Variants in GOLGA4 observed in about 807,000 individuals in gnomAD.
GOLGA4 encodes the protein golgin subfamily A member 4.
GOLGA4 carries 169 observed loss-of-function variants against 265.9 expected under a neutral mutation model. That is an observed-to-expected ratio of 0.64 (90% confidence interval 0.56 to 0.72). GOLGA4 has a LOEUF of 0.72. Among genes scored for constraint, GOLGA4 ranks in the 30% least tolerant of loss-of-function variants. GOLGA4 has a pLI of 0.00. For missense variants in GOLGA4, 2,482 were observed against 2,483.4 expected (o/e 1.00, Z 0.01); for synonymous variants, 923 against 855.8 (o/e 1.08, Z -1.37).
intron 2 of GOLGA4, among the ~76,000 whole-genome samples, chr3:37,274,442 A>G (rs1360013704): frequency 6.6e-6 from 1 of 152,202 alleles, no homozygotes; most frequent in Non-Finnish European, 1.5e-5. Flanking sequence ...CTGTTATCCC[A>G]GCACTTTAGG....
chr3:37,253,007 G>T (rs1159885309), intron 2 of GOLGA4, among the ~76,000 whole-genome samples: 2 of 152,060 alleles, frequency 1.3e-5, no homozygotes, highest in African/African-American at 4.8e-5. Context: ...CCAGCGCTTT[G>T]GAAGGCCAAG....
chr3:37,324,276 C>T lies in GOLGA4; in HGVS notation c.2390C>T (p.Ser797Phe), dbSNP rs147542507. Residue 797 changes from serine (S) to phenylalanine (F), a missense_variant, in exon 14 of 24, where the codon TCT (serine) becomes TTT (phenylalanine). Physicochemically the swap from Ser to Phe is radical, Grantham distance 155. This residue lies in a region of GOLGA4 where 1,536 missense variants were observed against 1,483.7 expected (regional missense o/e 1.04). Coordinates refer to ENST00000361924, the MANE Select transcript of GOLGA4 (RefSeq NM_002078.5). The part of the protein sequence containing the change: ...KRSEGELQQA[S>F]AKLDVFQSYQ... ...TCTGAAGGGGAACTCCAGCAGGCAT[C>T]TGCTAAGCTGGACGTTTTTCAGTCT... is the stretch of plus-strand genomic sequence containing the variant. 1.2e-6 allele frequency: 2 copies of T among 1,614,010 alleles called. No homozygotes were observed. The highest frequency in any genetic ancestry group is 1.7e-6 in the Non-Finnish European group (2 of 1,179,966).
chr3:37,365,345 T>C (rs544236999), intron 23 of GOLGA4, among the ~76,000 whole-genome samples: 9 of 152,280 alleles, frequency 5.9e-5, no homozygotes, highest in African/African-American at 1.9e-4. Flanking sequence ...CTCGGCTTAC[T>C]GCAACCTCCG....
rs58292342 is a variant in GOLGA4 at position 37,310,879 on chromosome 3, T to C, written c.1235-4541T>C. 7.1e-3 allele frequency among the ~76,000 whole-genome samples: 1,081 copies of C among 152,278 alleles called. 15 individuals are homozygous for C. The highest frequency in any genetic ancestry group is 0.024 in the African/African-American group (1,014 of 41,554). ...TGACTGTGGTTTTCCCATGCACTCT[T>C]GCATGTTGGCAGAAGACTTGTCAGC... On this transcript the variant is annotated intron_variant, in intron 10 of 23. Coordinates refer to ENST00000361924, the MANE Select transcript of GOLGA4 (RefSeq NM_002078.5).
rs373472108 is a variant in GOLGA4, at chr3:37,319,306, G to A, written c.1545+112G>A. The A allele has an allele frequency of 6.4e-5, 51 of 800,834 alleles. 1 individual carries two copies. Among genetic ancestry groups the A allele is most frequent in the Non-Finnish European group, 9.0e-5 (46 of 509,930 alleles). The allele number at this position is 800,834 out of a possible 1,614,324, so 49.6% of individuals were successfully genotyped here. ...AAGTCAGACTACTGGCAGTCTTGAC[G>A]TTTGGGTATAAAGAGAGGATAGAGA... On this transcript the variant is annotated intron_variant, in intron 12 of 23. Coordinates refer to ENST00000361924, the MANE Select transcript of GOLGA4 (RefSeq NM_002078.5).
intron 23 of GOLGA4, among the ~76,000 whole-genome samples, chr3:37,365,849 T>A (rs1356914741): frequency 1.3e-5 from 2 of 151,308 alleles, no homozygotes; most frequent in African/African-American, 4.9e-5. Flanking sequence ...ACCAGGCTGG[T>A]CTCGAACTCC....
intron 2 of GOLGA4, among the ~76,000 whole-genome samples, chr3:37,269,092 A>G (rs1351161126): frequency 6.6e-6 from 1 of 152,248 alleles, no homozygotes; most frequent in East Asian, 1.9e-4. Context: ...TTGAAACAAT[A>G]TGTAATTGAA....
rs1464672867 is a variant in GOLGA4 at position 37,323,852 on chromosome 3, T to C, written c.1966T>C (p.Leu656=). 2.5e-6 allele frequency: 4 copies of C among 1,610,762 alleles called. No homozygotes were observed. The highest frequency in any genetic ancestry group is 1.1e-5 in the South Asian group (1 of 90,042). The change falls in exon 14 of 24, where the codon TTG becomes CTG. Residue 656 remains leucine (L), a synonymous_variant. Coordinates refer to ENST00000361924, the MANE Select transcript of GOLGA4 (RefSeq NM_002078.5). ...REKCEQEKET[L]LKDKEIIFQA... ...AAAGTGTGAACAAGAAAAAGAAACA[T>C]TGTTGAAAGACAAAGAGATTATCTT...
At chr3:37,321,164 CTT>C (rs1259846777) in intron 12 of GOLGA4, among the ~76,000 whole-genome samples, 1 of 152,144 alleles carries the variant, frequency 6.6e-6, no homozygotes, top group African/African-American at 2.4e-5. Context: ...ACACTAAACA[CTT>C]TAAATTGAAT....
intron 10 of GOLGA4, 35 bp downstream of exon 10, chr3:37,302,367 A>T (rs1198629170): frequency 6.4e-7 from 1 of 1,573,418 alleles, no homozygotes; most frequent in Admixed American, 1.8e-5. Flanking sequence ...TTATGTTGGA[A>T]CTCAAAAGTT....
At chr3:37,317,966 A>G (rs2096942617) in intron 11 of GOLGA4, among the ~76,000 whole-genome samples, 1 of 150,422 alleles carries the variant, frequency 6.6e-6, no homozygotes, top group Non-Finnish European at 1.5e-5. Context: ...TTTAAATGCT[A>G]TGTGGATTTT....
chr3:37,361,070 G>A (rs2151087631), intron 22 of GOLGA4, among the ~76,000 whole-genome samples, 173 bp from the exon 23 acceptor site: 1 of 152,234 alleles, frequency 6.6e-6, no homozygotes, highest in Non-Finnish European at 1.5e-5. Flanking sequence ...AGGATATGGG[G>A]GGAGGTATTA....
Position 37,328,797 on chromosome 3 carries a change from A to G in GOLGA4, c.6062-166A>G, listed in dbSNP as rs559644427. Among the ~76,000 whole-genome samples the G allele has an allele frequency of 4.6e-5, 7 of 152,298 alleles. No homozygotes were observed. In the East Asian group the frequency reaches 7.7e-4, roughly 17 times the overall value. ...ACACTTTTGCTCAGGGAGAGGATAC[A>G]TTTGATCACTGTTGAGCTAGATGTC... On this transcript the variant is annotated intron_variant, in intron 15 of 23. Transcript: ENST00000361924.
chr3:37,276,772 G>A (rs2096820490), intron 2 of GOLGA4, among the ~76,000 whole-genome samples: 2 of 152,194 alleles, frequency 1.3e-5, no homozygotes, highest in Non-Finnish European at 2.9e-5. Flanking sequence ...TTTCAGATCA[G>A]TAGGGAGACC....
chr3:37,262,607 A>G (rs767807564), intron 2 of GOLGA4, among the ~76,000 whole-genome samples: 1 of 152,160 alleles, frequency 6.6e-6, no homozygotes, highest in Non-Finnish European at 1.5e-5. Flanking sequence ...TATAGAATTC[A>G]GAAAGAACAC....
At chr3:37,267,242 TTAAC>T (rs1257912940) in intron 2 of GOLGA4, among the ~76,000 whole-genome samples, 3 of 152,208 alleles carry the variant, frequency 2.0e-5, no homozygotes, top group African/African-American at 7.2e-5. Context: ...TGTTTGTTCA[TTAAC>T]TAAAAAAAGG....
At chr3:37,349,369 A>G (rs1052735484) in intron 21 of GOLGA4, among the ~76,000 whole-genome samples, 2 of 152,162 alleles carry the variant, frequency 1.3e-5, no homozygotes, top group East Asian at 1.9e-4. Flanking sequence ...CAAGGAGAAC[A>G]TCATGGAGGA....
intron 17 of GOLGA4, among the ~76,000 whole-genome samples, chr3:37,336,871 A>T (rs964302552): frequency 1.2e-4 from 19 of 152,020 alleles, no homozygotes; most frequent in Non-Finnish European, 2.2e-4. Context: ...TTTCTCCTTT[A>T]TTCTTCATAA....
intron 6 of GOLGA4, among the ~76,000 whole-genome samples, chr3:37,295,707 A>G (rs980467439): frequency 1.3e-5 from 2 of 152,204 alleles, no homozygotes; most frequent in African/African-American, 4.8e-5. Context: ...ACAATAAGCC[A>G]TCCACATTGA....
Sources: gnomAD v4.1 joint callset for allele counts (sites outside exome capture counted in the v4.1 genomes callset) on GRCh38, gnomAD v4.1.1 for gene constraint, gnomAD v4.1.1 regional missense constraint, MANE v1.5 for transcripts, NCBI Gene and HGNC (gene_info 2026-07-23, HGNC 2026-07-21) for gene names.